Variants in ZNF682 observed in about 807,000 individuals in gnomAD.
ZNF682 encodes zinc finger protein 682.
In ZNF682, 29 loss-of-function variants were observed where a neutral mutation model predicts 36.5. That is an observed-to-expected ratio of 0.80 (90% CI 0.59 to 1.08). ZNF682 has a LOEUF of 1.08. Ranked by LOEUF, ZNF682 falls within the 50% of genes least tolerant of loss-of-function variation. The pLI is 0.00. For missense variants in ZNF682, 561 were observed against 579.7 expected (o/e 0.97, Z 0.33); for synonymous variants, 180 against 197.0 (o/e 0.91, Z 0.72).
At chr19:20,023,879 G>A (rs1257311483) in intron 2 of ZNF682, among the ~76,000 whole-genome samples, 1 of 152,072 alleles carries the variant, frequency 6.6e-6, no homozygotes, top group East Asian at 1.9e-4. Context: ...CTACTCAGGA[G>A]GCTAAGACAG....
chr19:20,006,589 T>A lies in ZNF682; in HGVS notation c.913A>T (p.Thr305Ser). ...TAGGGTTTCTTTCCAGTGTGAATTG[T>A]CTTATGTTTGGTGAGATGTGAGTGC... ...NRHSHLTKHK[T>S]IHTGKKPYKC... Residue 305 changes from threonine (T) to serine (S), a missense_variant, in exon 4 of 4, where the codon ACA becomes TCA. Physicochemically the swap from Thr to Ser is moderately conservative, Grantham distance 58. Coordinates refer to ENST00000397165, the MANE Select transcript of ZNF682 (RefSeq NM_033196.3). 1 of 1,614,210 alleles carries A rather than the reference T, an allele frequency of 6.2e-7. No homozygotes were observed. Among genetic ancestry groups the A allele is most frequent in the Non-Finnish European group, 8.5e-7 (1 of 1,180,034 alleles).
At chr19:20,021,491 A>G (rs984116763) in intron 3 of ZNF682, among the ~76,000 whole-genome samples, 4 of 152,000 alleles carry the variant, frequency 2.6e-5, no homozygotes, top group Non-Finnish European at 4.4e-5. Flanking sequence ...TCAAAAAGAA[A>G]GAAAACAAAA....
intron 1 of ZNF682, among the ~76,000 whole-genome samples, chr19:20,032,961 T>G (rs1200151336): frequency 1.3e-5 from 2 of 152,146 alleles, no homozygotes; most frequent in Non-Finnish European, 2.9e-5. Flanking sequence ...AGGTAGGGTT[T>G]TACTTCTCTG....
intron 3 of ZNF682, 61 bp from the exon 4 acceptor site, chr19:20,007,336 T>C: frequency 1.4e-6 from 2 of 1,409,602 alleles, no homozygotes; most frequent in Non-Finnish European, 1.9e-6. Context: ...TACATATACT[T>C]TACAAATCTA....
chr19:20,007,156 C>A lies in ZNF682; in HGVS notation c.346G>T (p.Asp116Tyr). 1 of 1,613,658 alleles carries A rather than the reference C, an allele frequency of 6.2e-7. No homozygotes were observed. The highest frequency in any genetic ancestry group is 8.5e-7 in the Non-Finnish European group (1 of 1,180,000). ...CGLEDLHLRK[D>Y]GENVGECKDQ... Reference sequence around the variant, plus strand: ...TTACACTCACCCACATTTTCCCCATCCTTCCTTAAGTGTAAATCCTCAAGT... The same window carrying A: ...TTACACTCACCCACATTTTCCCCATACTTCCTTAAGTGTAAATCCTCAAGT... Residue 116 changes from aspartate (D) to tyrosine (Y), a missense_variant, in exon 4 of 4, where the codon GAT (aspartate) becomes TAT (tyrosine). Transcript: ENST00000397165.
Position 20,024,350 on chromosome 19 carries a change from G to T in ZNF682, c.30C>A (p.Thr10=). 1 of 1,612,574 alleles carries T rather than the reference G, an allele frequency of 6.2e-7. No homozygotes were observed. Among genetic ancestry groups the T allele is most frequent in the Non-Finnish European group, 8.5e-7 (1 of 1,179,418 alleles). The change falls in exon 2 of 4, where the codon ACC becomes ACA. Residue 10 remains threonine (T), a synonymous_variant. Coordinates refer to ENST00000397165, the MANE Select transcript of ZNF682 (RefSeq NM_033196.3). MELLTFRDV[T]IEFSLEEWEF... ...CCCACTCCTCCAGAGAGAATTCTAT[G>T]GTCACATCCCTGAATGTCAACAGTT...
chr19:20,039,255 T>TG, intron 1 of ZNF682, 88 bp downstream of exon 1: 3 of 1,584,718 alleles, frequency 1.9e-6, no homozygotes, highest in Non-Finnish European at 2.6e-6. Context: ...AGCTGACAGC[T>TG]GGGAGGCCCC....
chr19:20,038,745 A>G (rs1355452062), intron 1 of ZNF682, among the ~76,000 whole-genome samples: 1 of 152,222 alleles, frequency 6.6e-6, no homozygotes, highest in African/African-American at 2.4e-5. Context: ...CCAGGCAATG[A>G]CAACCTGAAT....
At chr19:20,038,998 C>A (rs1379569835) in intron 1 of ZNF682, among the ~76,000 whole-genome samples, 1 of 152,238 alleles carries the variant, frequency 6.6e-6, no homozygotes, top group Non-Finnish European at 1.5e-5. Flanking sequence ...GGGATCACAG[C>A]ACTTCCCACG....
Position 20,023,052 on chromosome 19 carries a change from G to A in ZNF682, c.178C>T (p.Gln60Ter). The A allele has an allele frequency of 6.2e-7, 1 of 1,614,080 alleles. No homozygotes were observed. ...TGTCTCTTCACATTCCAGGGCTCCT[G>A]TCTTTGCTCCAGACGGCTAATCAGT... ...PELISRLEQRQEPWNVKRHET... is the reference protein window; with the variant it reads ...PELISRLEQR The change falls in exon 3 of 4, where the codon CAG (glutamine) becomes TAG (stop). Residue 60 changes from glutamine to a stop codon, truncating the protein, a stop_gained. Transcript: ENST00000397165. LOFTEE classifies it high-confidence loss of function.
At chr19:20,004,127 C>G (rs2088189721), downstream of ZNF682, among the ~76,000 whole-genome samples, 1 of 152,182 alleles carries the variant, frequency 6.6e-6, no homozygotes, top group Non-Finnish European at 1.5e-5. Context: ...TCTACATACT[C>G]ACTTAAGATT....
intron 1 of ZNF682, among the ~76,000 whole-genome samples, chr19:20,029,011 C>T (rs866615433): frequency 1.5e-5 from 2 of 136,954 alleles, no homozygotes; most frequent in South Asian, 4.6e-4. Flanking sequence ...TAGAGTCTTG[C>T]TGTGTTGCCC....
At chr19:20,003,108 G>A (rs2088180915), downstream of ZNF682, among the ~76,000 whole-genome samples, 3 of 144,404 alleles carry the variant, frequency 2.1e-5, no homozygotes, top group South Asian at 2.2e-4. Flanking sequence ...GGAGAATGGC[G>A]TGCACCCGGG....
At chr19:20,014,954 T>C (rs2088322677) in intron 3 of ZNF682, among the ~76,000 whole-genome samples, 2 of 152,050 alleles carry the variant, frequency 1.3e-5, no homozygotes, top group African/African-American at 2.4e-5. Context: ...TTGTAAAGGG[T>C]CAGTCAAGGG....
chr19:20,018,778 A>C (rs1230627644), intron 3 of ZNF682, among the ~76,000 whole-genome samples: 6 of 152,220 alleles, frequency 3.9e-5, no homozygotes, highest in Non-Finnish European at 8.8e-5. Flanking sequence ...TTCCTAGATA[A>C]GTATATGGGG....
At position 20,029,600 on chromosome 19, in the gene ZNF682, CAAA is replaced by C. The variant is rs59197434; in HGVS notation, c.4-5227_4-5225del. ...TGGGTGACAGAGTGAGACCCTGTCTCAAAAAAAAAAAAAAAATTAAAAAAAATA... is the reference window on the plus strand; with the variant it reads ...TGGGTGACAGAGTGAGACCCTGTCTCAAAAAAAAAAAAATTAAAAAAAATA... On this transcript the variant is annotated intron_variant, in intron 1 of 3. Transcript: ENST00000397165. 9.3e-3 allele frequency among the ~76,000 whole-genome samples: 1,119 copies of C among 119,824 alleles called. 17 individuals carry two copies. The highest frequency in any genetic ancestry group is 0.013 in the African/African-American group (415 of 31,840). 78.6% of individuals were successfully genotyped at this position (119,824 alleles called of 152,430 possible). A position where few individuals can be genotyped will look rare whatever the true frequency, so the allele number is the denominator to read the frequency against.
downstream of ZNF682, among the ~76,000 whole-genome samples, chr19:20,002,771 T>A (rs2088177063): frequency 1.3e-5 from 2 of 152,150 alleles, no homozygotes; most frequent in Admixed American, 1.3e-4. Flanking sequence ...CCATGTCTGA[T>A]GTAGAGACGT....
At chr19:20,036,946 T>C (rs1234707676) in intron 1 of ZNF682, among the ~76,000 whole-genome samples, 3 of 151,786 alleles carry the variant, frequency 2.0e-5, no homozygotes, top group Admixed American at 2.0e-4. Context: ...GATCATGCCA[T>C]TGTACTCTAG....
chr19:19,997,210 A>G, exon 4 of ZNF682: 1 of 398,758 alleles, frequency 2.5e-6, no homozygotes, highest in Non-Finnish European at 4.4e-6. Context: ...GGTCATCTCC[A>G]GGTCAGTTTC....
Sources: gnomAD v4.1 joint callset for allele counts (sites outside exome capture counted in the v4.1 genomes callset) on GRCh38, gnomAD v4.1.1 for gene constraint, MANE v1.5 for transcripts, NCBI Gene and HGNC (gene_info 2026-07-23, HGNC 2026-07-21) for gene names.